The following ERBB4 variants were observed in gnomAD, a reference collection of about 807,000 sequenced individuals.
ERBB4 encodes the protein receptor tyrosine-protein kinase erbB-4.
Under a neutral mutation model 158.0 loss-of-function variants are expected in ERBB4, and 42 were observed. That is an observed-to-expected ratio of 0.27 (90% CI 0.21 to 0.34). The LOEUF (loss-of-function observed/expected upper bound fraction) is 0.34, where lower values mean the gene tolerates loss of function less well. Ranked by LOEUF, ERBB4 falls within the 10% of genes least tolerant of loss-of-function variation. The pLI is 1.00. For missense variants in ERBB4, 1,333 were observed against 1,624.1 expected, an observed-to-expected ratio of 0.82 and a Z score of 3.08; for synonymous variants, 583 against 558.7, an observed-to-expected ratio of 1.04 and a Z score of -0.61.
intron 20 of ERBB4, among the ~76,000 whole-genome samples, chr2:211,455,436 C>G (rs2064357017): frequency 6.6e-6 from 1 of 152,178 alleles, no homozygotes; most frequent in South Asian, 2.1e-4. Flanking sequence ...TAGGTGGCAG[C>G]ACTGTTCAGC....
chr2:212,138,761 T>C (rs2080352427), intron 1 of ERBB4, among the ~76,000 whole-genome samples: 1 of 152,114 alleles, frequency 6.6e-6, no homozygotes. Context: ...TAAGGAAAAA[T>C]TGCTCTGACA....
intron 2 of ERBB4, among the ~76,000 whole-genome samples, chr2:212,019,348 C>A (rs2076595970): frequency 6.6e-6 from 1 of 152,096 alleles, no homozygotes; most frequent in Admixed American, 6.5e-5. Flanking sequence ...TTTGCTTATT[C>A]ATAATCTGCC....
chr2:212,269,523 C>T (rs1054647926), intron 1 of ERBB4, among the ~76,000 whole-genome samples: 1 of 151,758 alleles, frequency 6.6e-6, no homozygotes, highest in Non-Finnish European at 1.5e-5. Context: ...ACAGTGTAGA[C>T]TTTTGCCCTT....
At chr2:212,215,189 C>T (rs2083060429) in intron 1 of ERBB4, among the ~76,000 whole-genome samples, 1 of 151,482 alleles carries the variant, frequency 6.6e-6, no homozygotes, top group Non-Finnish European at 1.5e-5. Flanking sequence ...AAATTCACAG[C>T]ATTTTATGCT....
intron 1 of ERBB4, among the ~76,000 whole-genome samples, chr2:212,485,483 A>G (rs954670894): frequency 3.9e-5 from 6 of 152,232 alleles, no homozygotes; most frequent in Non-Finnish European, 2.9e-5. Flanking sequence ...ATGAATTGTC[A>G]AAATGAACTA....
intron 19 of ERBB4, among the ~76,000 whole-genome samples, chr2:211,562,769 CTT>C (rs367801279): frequency 4.0e-5 from 5 of 125,708 alleles, no homozygotes; most frequent in Admixed American, 7.7e-5. Context: ...ACTACTCCAA[CTT>C]TTTTTTTTTT....
intron 21 of ERBB4, among the ~76,000 whole-genome samples, chr2:211,429,112 A>G (rs958039827): frequency 7.9e-5 from 12 of 152,150 alleles, no homozygotes; most frequent in African/African-American, 2.9e-4. Flanking sequence ...TCAGTAATTA[A>G]GTTGCTAGTA....
intron 14 of ERBB4, 33 bp from the exon 15 acceptor site, chr2:211,665,510 G>T (rs1254300695): frequency 1.2e-6 from 2 of 1,605,908 alleles, no homozygotes; most frequent in South Asian, 2.2e-5. Flanking sequence ...AAAGAAAAAA[G>T]AAAAGTGGTG....
At chr2:211,699,365 A>C (rs1429704049) in intron 12 of ERBB4, among the ~76,000 whole-genome samples, 1 of 152,190 alleles carries the variant, frequency 6.6e-6, no homozygotes. Flanking sequence ...TCTAAAAATG[A>C]AACATTTACA....
chr2:212,182,576 T>C (rs572217271), intron 1 of ERBB4, among the ~76,000 whole-genome samples: 7 of 151,968 alleles, frequency 4.6e-5, no homozygotes, highest in African/African-American at 1.7e-4. Flanking sequence ...TGTTTTTATT[T>C]GCATTTTTTA....
chr2:212,273,818 T>A (rs1191173546), intron 1 of ERBB4, among the ~76,000 whole-genome samples: 2 of 151,780 alleles, frequency 1.3e-5, no homozygotes, highest in African/African-American at 4.8e-5. Context: ...ATGAAAAAGG[T>A]TCACTCACTT....
At chr2:211,688,131 C>T (rs1301301017) in intron 12 of ERBB4, among the ~76,000 whole-genome samples, 4 of 152,188 alleles carry the variant, frequency 2.6e-5, no homozygotes, top group Admixed American at 2.0e-4. Context: ...TATTTGAAGA[C>T]AACTAAATAA....
intron 4 of ERBB4, among the ~76,000 whole-genome samples, chr2:211,770,846 T>G (rs2075673902): frequency 6.6e-6 from 1 of 151,880 alleles, no homozygotes; most frequent in African/African-American, 2.4e-5. Flanking sequence ...GCCCAGGAGG[T>G]CACAGGCATT....
chr2:212,262,224 C>A (rs921709981), intron 1 of ERBB4, among the ~76,000 whole-genome samples: 3 of 152,046 alleles, frequency 2.0e-5, no homozygotes, highest in African/African-American at 7.2e-5. Context: ...ACTTCACAAC[C>A]TATTATCGGT....
chr2:212,366,849 A>G (rs2089907635), intron 1 of ERBB4, among the ~76,000 whole-genome samples: 1 of 152,086 alleles, frequency 6.6e-6, no homozygotes, highest in South Asian at 2.1e-4. Flanking sequence ...TTACATTTTT[A>G]AATAAACAAT....
At chr2:211,986,248 C>T (rs1344430150) in intron 2 of ERBB4, among the ~76,000 whole-genome samples, 1 of 152,144 alleles carries the variant, frequency 6.6e-6, no homozygotes, top group Non-Finnish European at 1.5e-5. Context: ...GTCTTCAGAA[C>T]TGAGAGAAAA....
intron 3 of ERBB4, among the ~76,000 whole-genome samples, chr2:211,891,292 G>A (rs879105494): frequency 8.3e-6 from 1 of 120,234 alleles, no homozygotes; most frequent in East Asian, 2.1e-4. Flanking sequence ...TGAACAACCT[G>A]CTCCTGAATG....
intron 17 of ERBB4, among the ~76,000 whole-genome samples, chr2:211,624,361 A>G (rs1289235918): frequency 6.6e-6 from 1 of 152,104 alleles, no homozygotes; most frequent in Admixed American, 6.6e-5. Context: ...GCCTTCTTAG[A>G]GCTTAAAATA....
chr2:211,446,803 T>A lies in ERBB4; in HGVS notation c.2488-15703A>T, dbSNP rs1361248341. 3.9e-5 allele frequency among the ~76,000 whole-genome samples: 6 copies of A among 152,240 alleles called. No homozygotes were observed. The East Asian group carries it at 1.2e-3, about 29-fold the overall frequency. ...TTAAAGCAAACTAAAAAGGTAGTCT[T>A]TACTATTTGATTTATTTATTTTAAC... On this transcript the variant is annotated intron_variant, in intron 20 of 27. Coordinates refer to ENST00000342788, the MANE Select transcript of ERBB4 (RefSeq NM_005235.3).
Sources: allele counts gnomAD v4.1 joint callset (sites outside exome capture counted in the v4.1 genomes callset), GRCh38; gene constraint gnomAD v4.1.1; transcripts MANE v1.5; gene names NCBI Gene and HGNC (gene_info 2026-07-23, HGNC 2026-07-21).